KIF26B: variants seen among roughly 807,000 people sequenced by gnomAD.
The protein encoded by KIF26B is kinesin-like protein KIF26B.
In KIF26B, 63 loss-of-function variants were observed where a neutral mutation model predicts 151.2. The observed-to-expected ratio is 0.42, with a 90% CI of 0.34 to 0.51. KIF26B has a LOEUF of 0.51. Among genes scored for constraint, KIF26B ranks in the 20% least tolerant of loss-of-function variants. The pLI is 0.07. For missense variants in KIF26B, 2,813 were observed against 2,913.6 expected (o/e 0.97, Z 0.79); for synonymous variants, 1,357 against 1,262.1 (o/e 1.08, Z -1.59).
At chr1:245,691,899 G>GC (rs1213059861) in intron 12 of KIF26B, among the ~76,000 whole-genome samples, 1 of 152,150 alleles carries the variant, frequency 6.6e-6, no homozygotes, top group Non-Finnish European at 1.5e-5. Context: ...TGTTCCACCG[G>GC]CCATAGCAGG....
intron 10 of KIF26B, among the ~76,000 whole-genome samples, chr1:245,652,345 G>C (rs1415160655): frequency 6.6e-6 from 1 of 152,078 alleles, no homozygotes; most frequent in South Asian, 2.1e-4. Flanking sequence ...TCTTAGTATT[G>C]CTGCTTTAGA....
chr1:245,270,160 C>A (rs1558369305), intron 2 of KIF26B, among the ~76,000 whole-genome samples: 1 of 150,128 alleles, frequency 6.7e-6, no homozygotes. Context: ...TTCTTCCTTT[C>A]TCTTCCCTCC....
Position 245,239,308 on chromosome 1 carries a change from A to G in KIF26B, c.465+82625A>G, listed in dbSNP as rs1670170863. Among the ~76,000 whole-genome samples, 1 of 152,246 alleles carries G rather than the reference A, an allele frequency of 6.6e-6. No individual in the cohort carries two copies. Among genetic ancestry groups the G allele is most frequent in the African/African-American group, 2.4e-5 (1 of 41,468 alleles). On this transcript the variant is annotated intron_variant, in intron 2 of 14. Transcript: ENST00000407071. This position sits in a 1 kb window ranked among gnomAD's most constrained non-coding sequence, Gnocchi z 4.3. ...AGAAGCAGATATTGACATGAGGCCA[A>G]TAAAACAGGTCATGAGCCAATAAAA...
rs1393125631 is a variant in KIF26B at position 245,706,386 on chromosome 1, A to G, written c.*3780A>G. 6.6e-6 allele frequency: 1 copy of G among 152,166 alleles called. No homozygotes were observed. Among genetic ancestry groups the G allele is most frequent in the Non-Finnish European group, 1.5e-5 (1 of 68,026 alleles). 9.4% of individuals were successfully genotyped at this position (152,166 alleles called of 1,614,324 possible). A position where few individuals can be genotyped will look rare whatever the true frequency, so the allele number is the denominator to read the frequency against. ...GAAGGCAAGGCTGACAAATCTGCAG[A>G]TTTGTTCAATGCAAACACAGCCGTC... On this transcript the variant is annotated 3_prime_UTR_variant, in exon 15 of 15. Transcript: ENST00000407071.
At position 245,353,202 on chromosome 1, in the gene KIF26B, G is replaced by T. The variant is rs1185231495; in HGVS notation, c.466-13632G>T. Among the ~76,000 whole-genome samples, 4 of 152,172 alleles carry T rather than the reference G, an allele frequency of 2.6e-5. No individual in the cohort carries two copies. In the East Asian group the frequency reaches 7.7e-4, roughly 29 times the overall value. ...ACTCTAGGCTCCTGTGTGTTGGAAT[G>T]ACTAGAGGCAGCAGGGAGAGGGGTC... On this transcript the variant is annotated intron_variant, in intron 2 of 14. Transcript: ENST00000407071.
chr1:245,160,341 T>C (rs1431217246), intron 2 of KIF26B, among the ~76,000 whole-genome samples: 1 of 152,222 alleles, frequency 6.6e-6, no homozygotes, highest in African/African-American at 2.4e-5. Context: ...TAAGTGAGAA[T>C]GGCCCTTTTA....
Position 245,203,255 on chromosome 1 carries a change from A to AAAAAAAG in KIF26B, c.465+46576_465+46577insAAGAAAA, listed in dbSNP as rs61541280. On this transcript the variant is annotated intron_variant, in intron 2 of 14. Transcript: ENST00000407071. ...GAGCGCGACTCTGTCTCAAAAAAAA[A>AAAAAAAG]AAAAGAAAATGAGTTAAAGTTACAA... Among the ~76,000 whole-genome samples the AAAAAAAG allele has an allele frequency of 1.0e-4, 13 of 129,738 alleles. 5 individuals are homozygous for AAAAAAAG. Among genetic ancestry groups the AAAAAAAG allele is most frequent in the Non-Finnish European group, 9.4e-5 (6 of 63,662 alleles). The allele number at this position is 129,738 out of a possible 152,430, so 85.1% of individuals were successfully genotyped here. A position where few individuals can be genotyped will look rare whatever the true frequency, so the allele number is the denominator to read the frequency against.
intron 3 of KIF26B, among the ~76,000 whole-genome samples, chr1:245,398,772 T>C (rs1421756688): frequency 2.0e-5 from 3 of 151,162 alleles, no homozygotes; most frequent in African/African-American, 7.3e-5. Flanking sequence ...ATAAAATTTT[T>C]ATAAAATTAT....
chr1:245,591,904 G>A (rs1165151103), intron 5 of KIF26B, among the ~76,000 whole-genome samples: 1 of 152,118 alleles, frequency 6.6e-6, no homozygotes, highest in African/African-American at 2.4e-5. Flanking sequence ...CAAGCCTGCC[G>A]GCCATTAGCA....
At position 245,563,237 on chromosome 1, in the gene KIF26B, C is replaced by T. The variant is rs2042973190; in HGVS notation, c.1350+22287C>T. Among the ~76,000 whole-genome samples the T allele has an allele frequency of 1.3e-5, 2 of 152,164 alleles. No homozygotes were observed. The highest frequency in any genetic ancestry group is 2.9e-5 in the Non-Finnish European group (2 of 68,028). ...CCACTGAACCCATCAGATGTAAAAT[C>T]CCCCATTTTATCACCGAACAACCTG... On this transcript the variant is annotated intron_variant, in intron 5 of 14. Coordinates refer to ENST00000407071, the MANE Select transcript of KIF26B (RefSeq NM_018012.4). This position sits in a 1 kb window ranked among gnomAD's most constrained non-coding sequence, Gnocchi z 4.6.
Position 245,155,341 on chromosome 1 carries a change from A to G in KIF26B, c.-84A>G. The G allele has an allele frequency of 8.6e-7, 1 of 1,162,830 alleles. No individual in the cohort carries two copies. The highest frequency in any genetic ancestry group is 1.3e-6 in the Non-Finnish European group (1 of 795,300). 72.0% of individuals were successfully genotyped at this position (1,162,830 alleles called of 1,614,324 possible). A position where few individuals can be genotyped will look rare whatever the true frequency, so the allele number is the denominator to read the frequency against. On this transcript the variant is annotated 5_prime_UTR_variant, in exon 1 of 15. Transcript: ENST00000407071. ...TGAGGGCTGAGAGCCAGCCCCCTGCAGCCGGGGGACGCTTCTGGGTTGGAG... is the reference window on the plus strand; with the variant it reads ...TGAGGGCTGAGAGCCAGCCCCCTGCGGCCGGGGGACGCTTCTGGGTTGGAG...
rs1668834288 is a variant in KIF26B at position 245,177,668 on chromosome 1, GTGT to G, written c.465+20986_465+20988del. The stretch of plus-strand genomic sequence containing the variant: ...TTTGATTTTACTTGTCCTTAGGGGT[GTGT>G]GTGTGTGTGTGTGTGTGTGTGTGTC... On this transcript the variant is annotated intron_variant, in intron 2 of 14. Transcript: ENST00000407071. Among the ~76,000 whole-genome samples the G allele has an allele frequency of 1.2e-4, 7 of 57,608 alleles. No individual in the cohort carries two copies. In the South Asian group the frequency reaches 2.2e-3, roughly 18 times the overall value. 37.8% of individuals were successfully genotyped at this position (57,608 alleles called of 152,430 possible). A position where few individuals can be genotyped will look rare whatever the true frequency, so the allele number is the denominator to read the frequency against.
intron 2 of KIF26B, among the ~76,000 whole-genome samples, chr1:245,287,703 A>G (rs1023917449): frequency 2.0e-5 from 3 of 151,966 alleles, no homozygotes; most frequent in African/African-American, 7.3e-5. Context: ...GGATTTCTCC[A>G]TATTGATCAG....
chr1:245,518,028 C>T (rs1371387461), intron 4 of KIF26B, among the ~76,000 whole-genome samples: 1 of 152,024 alleles, frequency 6.6e-6, no homozygotes, highest in East Asian at 1.9e-4. Context: ...CCTGCCACAA[C>T]AATCGGCTAA....
intron 2 of KIF26B, among the ~76,000 whole-genome samples, chr1:245,183,678 C>A (rs1668944927): frequency 6.6e-6 from 1 of 152,152 alleles, no homozygotes; most frequent in African/African-American, 2.4e-5. Flanking sequence ...GACAGAATCT[C>A]TAACACATCT....
At chr1:245,224,411 G>A (rs1669836225) in intron 2 of KIF26B, among the ~76,000 whole-genome samples, 1 of 152,214 alleles carries the variant, frequency 6.6e-6, no homozygotes, top group African/African-American at 2.4e-5. Context: ...TGCCAGCCAA[G>A]CTAGCTGCTT....
chr1:245,174,948 T>G (rs1312274999), intron 2 of KIF26B, among the ~76,000 whole-genome samples: 1 of 152,160 alleles, frequency 6.6e-6, no homozygotes, highest in Non-Finnish European at 1.5e-5. Context: ...TGGCCACAGA[T>G]GAAGTACCAC....
chr1:245,426,994 G>A (rs1658663411), intron 4 of KIF26B, among the ~76,000 whole-genome samples: 1 of 152,220 alleles, frequency 6.6e-6, no homozygotes, highest in Non-Finnish European at 1.5e-5. Context: ...TGGAGTTGAT[G>A]AAGTCAGAGA....
In KIF26B at chr1:245,454,061, G is replaced by C. The variant is rs192723129; in HGVS notation, c.1166+34316G>C. Among the ~76,000 whole-genome samples, 119 of 152,282 alleles carry C rather than the reference G, an allele frequency of 7.8e-4. 1 individual carries two copies. The highest frequency in any genetic ancestry group is 2.8e-3 in the African/African-American group (116 of 41,570). On this transcript the variant is annotated intron_variant, in intron 4 of 14. Coordinates refer to ENST00000407071, the MANE Select transcript of KIF26B (RefSeq NM_018012.4). ...TAAGAAGCGTGGAAGCTGAGGGAAG[G>C]CCAATCAGTTGAAGTAGGGTGATTC...
Sources: gnomAD v4.1 joint callset for allele counts (sites outside exome capture counted in the v4.1 genomes callset) on GRCh38, gnomAD v4.1.1 for gene constraint, Gnocchi (gnomAD v3.1) non-coding constraint, MANE v1.5 for transcripts, NCBI Gene and HGNC (gene_info 2026-07-23, HGNC 2026-07-21) for gene names.